HECW1: variants seen among roughly 807,000 people sequenced by gnomAD.
HECW1 encodes the protein E3 ubiquitin-protein ligase HECW1.
HECW1 carries 61 observed loss-of-function variants against 182.3 expected under a neutral mutation model. The observed-to-expected ratio is 0.33, with a 90% CI of 0.27 to 0.41. HECW1 has a LOEUF of 0.41. HECW1 is among the 10% of genes least tolerant of loss of function. The probability of loss-of-function intolerance (pLI) is 1.00; values close to 1 mark genes in which losing one functional copy is unlikely to be tolerated. For missense variants in HECW1, 1,739 were observed against 2,108.9 expected (o/e 0.82, Z 3.44); for synonymous variants, 859 against 832.6 (o/e 1.03, Z -0.55).
intron 2 of HECW1, among the ~76,000 whole-genome samples, chr7:43,215,380 G>T (rs918589018): frequency 1.3e-5 from 2 of 152,248 alleles, no homozygotes; most frequent in Non-Finnish European, 2.9e-5. Context: ...CCCAGCCAGT[G>T]CTGGCTAGAC....
chr7:43,308,029 A>ATATAT (rs1333568115), intron 3 of HECW1, among the ~76,000 whole-genome samples: 21 of 118,074 alleles, frequency 1.8e-4, no homozygotes, highest in East Asian at 2.1e-4. Context: ...ATAATATATT[A>ATATAT]TATATTATAT....
intron 5 of HECW1, among the ~76,000 whole-genome samples, chr7:43,328,109 G>A (rs779192106): frequency 1.6e-4 from 24 of 151,806 alleles, no homozygotes; most frequent in Non-Finnish European, 1.0e-4. Flanking sequence ...CTAGAGCCCA[G>A]GAGCTCAAGA....
chr7:43,147,641 T>C (rs1788858563), intron 2 of HECW1: 1 of 152,084 alleles, frequency 6.6e-6, no homozygotes, highest in Admixed American at 6.5e-5. Flanking sequence ...AATCAGGTCA[T>C]GTACCCTTTT....
chr7:43,126,872 G>A (rs945495172), intron 2 of HECW1, among the ~76,000 whole-genome samples: 58 of 152,240 alleles, frequency 3.8e-4, no homozygotes, highest in African/African-American at 1.3e-3. Context: ...ATATAACATG[G>A]CGAACTCAAT....
chr7:43,449,814 G>A (rs1037550847), intron 11 of HECW1, among the ~76,000 whole-genome samples: 4 of 152,144 alleles, frequency 2.6e-5, no homozygotes, highest in Admixed American at 1.3e-4. Flanking sequence ...CCTTTGTCCC[G>A]GGCCCTTCTC....
At chr7:43,431,773 T>C (rs1026960710) in intron 8 of HECW1, among the ~76,000 whole-genome samples, 3 of 152,172 alleles carry the variant, frequency 2.0e-5, no homozygotes, top group Non-Finnish European at 4.4e-5. Context: ...GTAAGCCACT[T>C]GCAGTTCCCC....
At chr7:43,387,100 C>T (rs1035230079) in intron 6 of HECW1, among the ~76,000 whole-genome samples, 3 of 152,108 alleles carry the variant, frequency 2.0e-5, no homozygotes, top group Non-Finnish European at 4.4e-5. Context: ...CCCATCTTTT[C>T]CTCACAGCAG....
At chr7:43,540,844 A>C (rs984522454) in intron 24 of HECW1, among the ~76,000 whole-genome samples, 1 of 152,144 alleles carries the variant, frequency 6.6e-6, no homozygotes. Context: ...TTTTTATCTA[A>C]GATTTCTGAA....
chr7:43,264,994 A>C (rs1455963471), intron 3 of HECW1, among the ~76,000 whole-genome samples: 1 of 152,218 alleles, frequency 6.6e-6, no homozygotes, highest in Non-Finnish European at 1.5e-5. Context: ...AAACTTGATA[A>C]TATGGATGCA....
intron 8 of HECW1, among the ~76,000 whole-genome samples, chr7:43,412,268 G>A (rs940991182): frequency 1.3e-5 from 2 of 151,716 alleles, no homozygotes; most frequent in African/African-American, 4.8e-5. Flanking sequence ...TCTTGTTATA[G>A]TTATTATATA....
intron 6 of HECW1, among the ~76,000 whole-genome samples, chr7:43,382,242 C>T (rs976785621): frequency 8.6e-5 from 13 of 151,684 alleles, no homozygotes; most frequent in African/African-American, 2.9e-4. Context: ...GCCGAGATCG[C>T]GCCACTGCAC....
intron 2 of HECW1, among the ~76,000 whole-genome samples, chr7:43,209,192 C>T (rs1795768180): frequency 1.3e-5 from 2 of 151,990 alleles, no homozygotes; most frequent in Non-Finnish European, 2.9e-5. Context: ...ACTAGCCCCT[C>T]ACAATCTTGC....
At chr7:43,480,461 T>C (rs1459385853) in intron 17 of HECW1, among the ~76,000 whole-genome samples, 1 of 152,128 alleles carries the variant, frequency 6.6e-6, no homozygotes, top group Non-Finnish European at 1.5e-5. Flanking sequence ...TGTGCCTTCT[T>C]TTTGTGGAAA....
Position 43,445,034 on chromosome 7 carries a change from AG to A in HECW1, c.1867del (p.Ala623LeufsTer189). On this transcript the variant is annotated frameshift_variant, in exon 11 of 30. Transcript: ENST00000395891. LOFTEE classifies it high-confidence loss of function. Reference sequence around the variant, plus strand: ...CTGGAAGAGGACAGAGAAGAGCCCGAGGGGGCTACTCCAGGCACGGCGCACC... The same window carrying A: ...CTGGAAGAGGACAGAGAAGAGCCCGAGGGGCTACTCCAGGCACGGCGCACC... ...SALEEDREEP[E>X]GATPGTAHPG... 1 of 1,568,704 alleles carries A rather than the reference AG, an allele frequency of 6.4e-7. No homozygotes were observed.
intron 8 of HECW1, among the ~76,000 whole-genome samples, chr7:43,434,592 C>T (rs1179171666): frequency 6.6e-6 from 1 of 152,208 alleles, no homozygotes; most frequent in Non-Finnish European, 1.5e-5. Context: ...CACAAACAGA[C>T]AGACTTTTAC....
At chr7:43,256,241 G>C (rs1214019566) in intron 3 of HECW1, among the ~76,000 whole-genome samples, 1 of 152,218 alleles carries the variant, frequency 6.6e-6, no homozygotes. Context: ...TTTTGAAACT[G>C]TGTTTGTCAT....
intron 16 of HECW1, among the ~76,000 whole-genome samples, chr7:43,477,779 C>T (rs1021118450): frequency 1.3e-5 from 2 of 152,124 alleles, no homozygotes; most frequent in African/African-American, 4.8e-5. Context: ...GCTCTTTAAA[C>T]TGCTTGTTTA....
chr7:43,393,471 A>G (rs886153078), intron 6 of HECW1, among the ~76,000 whole-genome samples: 7 of 152,158 alleles, frequency 4.6e-5, no homozygotes, highest in African/African-American at 1.7e-4. Context: ...CCTTCCTAAG[A>G]CTGGGCAAAC....
chr7:43,331,284 C>T (rs543063694), intron 5 of HECW1, among the ~76,000 whole-genome samples: 2 of 152,154 alleles, frequency 1.3e-5, no homozygotes, highest in South Asian at 2.1e-4. Context: ...TGGTTTCTAG[C>T]TTCATCCATG....
Sources: gnomAD v4.1 joint callset for allele counts (sites outside exome capture counted in the v4.1 genomes callset) on GRCh38, gnomAD v4.1.1 for gene constraint, MANE v1.5 for transcripts, NCBI Gene and HGNC (gene_info 2026-07-23, HGNC 2026-07-21) for gene names.